Variants in MGST1 observed in about 807,000 individuals in gnomAD.
MGST1 encodes glutathione S-transferase 12.
A neutral mutation model predicts 8.9 loss-of-function variants in MGST1; 5 were observed. That is an observed-to-expected ratio of 0.56 (90% CI 0.29 to 1.19). The LOEUF (loss-of-function observed/expected upper bound fraction) is 1.19, where lower values mean the gene tolerates loss of function less well. MGST1 is among the 50% of genes most tolerant of loss of function. The probability of loss-of-function intolerance (pLI) is 0.08; values close to 1 mark genes in which losing one functional copy is unlikely to be tolerated. For missense variants in MGST1, 182 were observed against 187.4 expected, an observed-to-expected ratio of 0.97 and a Z score of 0.17; for synonymous variants, 54 against 67.8, an observed-to-expected ratio of 0.80 and a Z score of 1.00.
At chr12:16,466,002 T>G (rs556152542) in intron 4 of MGST1, among the ~76,000 whole-genome samples, 1 of 152,368 alleles carries the variant, frequency 6.6e-6, no homozygotes, top group African/African-American at 2.4e-5. Flanking sequence ...ACTCTTATTT[T>G]TCTTATGTTT....
chr12:16,401,141 C>T lies in MGST1; in HGVS notation n.778+17537C>T. The T allele has an allele frequency of 1.3e-6, 2 of 1,567,512 alleles. No homozygotes were observed. The highest frequency in any genetic ancestry group is 1.8e-6 in the Non-Finnish European group (2 of 1,138,506). ...TCTTCGTTCCTTAGGAAAATACCCA[C>T]ATTCTTCACTTTCTTCTTCACAGAA... is the stretch of plus-strand genomic sequence containing the variant. On this transcript the variant is annotated intron_variant and non_coding_transcript_variant, in intron 1 of 1. Transcript: ENST00000359720. This position sits in a 1 kb window ranked among gnomAD's most constrained non-coding sequence, Gnocchi z 4.3.
intron 3 of MGST1, among the ~76,000 whole-genome samples, chr12:16,375,863 T>C (rs1336186868): frequency 1.3e-5 from 2 of 151,592 alleles, no homozygotes; most frequent in African/African-American, 4.8e-5. Context: ...TATTAGAAAA[T>C]AATGATGCTA....
At chr12:16,577,664 A>T (rs1484390648) in intron 4 of MGST1, among the ~76,000 whole-genome samples, 3 of 152,188 alleles carry the variant, frequency 2.0e-5, no homozygotes, top group Non-Finnish European at 2.9e-5. Flanking sequence ...GGACATTCTC[A>T]TCTCATAACA....
rs180966333 is a variant in MGST1 at position 16,350,186 on chromosome 12, C to T, written c.-23+2476C>T. ...CTAAGTGGCAGGGTCGAGATCCACCCGAATGCCAATCTAGTTCCAGAGTTT... is the reference window on the plus strand; with the variant it reads ...CTAAGTGGCAGGGTCGAGATCCACCTGAATGCCAATCTAGTTCCAGAGTTT... On this transcript the variant is annotated intron_variant, in intron 1 of 3. Coordinates refer to ENST00000396210, the MANE Select transcript of MGST1 (RefSeq NM_020300.5). Among the ~76,000 whole-genome samples the T allele has an allele frequency of 1.7e-3, 258 of 152,216 alleles. 2 individuals are homozygous for T. Among genetic ancestry groups the T allele is most frequent in the African/African-American group, 5.8e-3 (241 of 41,542 alleles).
At chr12:16,399,671 A>G in intron 1 of MGST1, 1 of 1,538,246 alleles carries the variant, frequency 6.5e-7, no homozygotes. Context: ...AAGACCAGAC[A>G]CCTTGTTCGA....
At chr12:16,522,527 G>A (rs1274921479) in intron 4 of MGST1, among the ~76,000 whole-genome samples, 3 of 151,602 alleles carry the variant, frequency 2.0e-5, no homozygotes, top group South Asian at 2.1e-4. Context: ...TCACCTCTAG[G>A]GAAATCATTA....
At chr12:16,385,946 A>C (rs1940500659) in intron 1 of MGST1, among the ~76,000 whole-genome samples, 1 of 152,152 alleles carries the variant, frequency 6.6e-6, no homozygotes, top group Admixed American at 6.5e-5. Context: ...AGAGTCTCCT[A>C]TCTACCCTCT....
downstream of MGST1, among the ~76,000 whole-genome samples, chr12:16,443,448 T>A (rs1173230908): frequency 6.6e-6 from 1 of 151,754 alleles, no homozygotes; most frequent in South Asian, 2.1e-4. Context: ...TCTGTTGTAT[T>A]AGTAAAATAT....
At position 16,585,277 on chromosome 12, in the gene MGST1, ATGGT is replaced by A. The variant is rs201629991; in HGVS notation, n.483-4250_483-4247del. On this transcript the variant is annotated intron_variant and non_coding_transcript_variant, in intron 4 of 4. Coordinates refer to the MGST1 transcript ENST00000538857. This position sits in a 1 kb window ranked among gnomAD's most constrained non-coding sequence, Gnocchi z 4.7. ...CCTATTTTATTTACATTCAAGTATC[ATGGT>A]AGAAAACAAGTTATTGATTACTGCT... 0.013 allele frequency among the ~76,000 whole-genome samples: 1,933 copies of A among 152,306 alleles called. 47 individuals carry two copies. The highest frequency in any genetic ancestry group is 0.044 in the African/African-American group (1,842 of 41,550).
chr12:16,568,944 A>AT (rs1394414288), intron 4 of MGST1, among the ~76,000 whole-genome samples: 2 of 152,106 alleles, frequency 1.3e-5, no homozygotes, highest in East Asian at 1.9e-4. Flanking sequence ...GGCCAGAGAC[A>AT]TTTTTTTCTA....
intron 1 of MGST1, among the ~76,000 whole-genome samples, chr12:16,398,127 T>C (rs1240362214): frequency 6.6e-6 from 1 of 151,990 alleles, no homozygotes; most frequent in Non-Finnish European, 1.5e-5. Flanking sequence ...ATTCATCTTT[T>C]AGTTCTTCCA....
intron 4 of MGST1, among the ~76,000 whole-genome samples, chr12:16,449,970 TG>T (rs1941116134): frequency 6.6e-6 from 1 of 151,950 alleles, no homozygotes; most frequent in Non-Finnish European, 1.5e-5. Context: ...GATCCCTCTG[TG>T]CTACCAATAT....
rs573876735 is a variant in MGST1, at chr12:16,418,519, G to T, written n.779-18869G>T. 7.2e-5 allele frequency among the ~76,000 whole-genome samples: 11 copies of T among 152,246 alleles called. No individual in the cohort carries two copies. The South Asian group carries it at 2.1e-3, about 29-fold the overall frequency. On this transcript the variant is annotated intron_variant and non_coding_transcript_variant, in intron 1 of 1. Coordinates refer to the MGST1 transcript ENST00000359720. ...TAAAAAATTCACGTTTCAACAAGCG[G>T]TGTCAGGAACCAAACTCAGTTCCCT...
intron 1 of MGST1, chr12:16,399,703 C>A (rs979722866): frequency 1.5e-6 from 2 of 1,299,736 alleles, no homozygotes; most frequent in African/African-American, 2.9e-5. Flanking sequence ...GGGTCATCAA[C>A]AATGGTCTTT....
intron 1 of MGST1, among the ~76,000 whole-genome samples, chr12:16,351,417 G>A (rs914730134): frequency 1.3e-5 from 2 of 152,292 alleles, no homozygotes; most frequent in Admixed American, 6.5e-5. Context: ...GAGACTTATG[G>A]AGGTTGATTA....
At position 16,559,163 on chromosome 12, in the gene MGST1, T is replaced by C. The variant is rs1942298643; in HGVS notation, n.483-30365T>C. Among the ~76,000 whole-genome samples, 1 of 152,192 alleles carries C rather than the reference T, an allele frequency of 6.6e-6. No homozygotes were observed. The highest frequency in any genetic ancestry group is 1.5e-5 in the Non-Finnish European group (1 of 68,018). On this transcript the variant is annotated intron_variant and non_coding_transcript_variant, in intron 4 of 4. Coordinates refer to the MGST1 transcript ENST00000538857. The surrounding 1 kb of genome is among the most constrained non-coding windows in gnomAD (Gnocchi z 4.1). ...TATTGATTATATACTCTGCCAGGTG[T>C]TCTCACAGAAAGTCAGTGAATTCAT...
rs1941592463 is a variant in MGST1 at position 16,513,739 on chromosome 12, G to GTT, written n.483-75788_483-75787insTT. On this transcript the variant is annotated intron_variant and non_coding_transcript_variant, in intron 4 of 4. Coordinates refer to the MGST1 transcript ENST00000538857. This position sits in a 1 kb window ranked among gnomAD's most constrained non-coding sequence, Gnocchi z 4.2. ...AGTAGCCTTGGGCGAGAATAGCGAA[G>GTT]TCTCGAAAAGTGGCCGGTTTGTCAC... 1.0e-5 allele frequency: 6 copies of GTT among 572,206 alleles called. No individual in the cohort carries two copies. Among genetic ancestry groups the GTT allele is most frequent in the Non-Finnish European group, 2.1e-5 (6 of 285,986 alleles). The allele number at this position is 572,206 out of a possible 1,614,324, so 35.4% of individuals were successfully genotyped here.
chr12:16,388,965 G>A (rs1940527298), intron 1 of MGST1, among the ~76,000 whole-genome samples: 1 of 152,308 alleles, frequency 6.6e-6, no homozygotes, highest in South Asian at 2.1e-4. Context: ...GAAAACCATG[G>A]ATGATCCCAG....
intron 4 of MGST1, among the ~76,000 whole-genome samples, chr12:16,528,430 C>T (rs1321092597): frequency 1.3e-5 from 2 of 151,894 alleles, no homozygotes; most frequent in Non-Finnish European, 2.9e-5. Flanking sequence ...GACCCGTGCT[C>T]TTAAGAATAT....
Sources: allele counts gnomAD v4.1 joint callset (sites outside exome capture counted in the v4.1 genomes callset), GRCh38; gene constraint gnomAD v4.1.1; non-coding constraint Gnocchi (gnomAD v3.1); transcripts MANE v1.5; gene names NCBI Gene and HGNC (gene_info 2026-07-23, HGNC 2026-07-21).